Variants in WIPF3 observed in about 807,000 individuals in gnomAD.
The protein encoded by WIPF3 is WAS/WASL-interacting protein family member 3.
Under a neutral mutation model 38.9 loss-of-function variants are expected in WIPF3, and 33 were observed. That is an observed-to-expected ratio of 0.85 (90% CI 0.64 to 1.14). WIPF3 has a LOEUF of 1.14. WIPF3 is among the 50% of genes most tolerant of loss of function. The pLI is 0.00. For synonymous variants in WIPF3, 324 were observed against 269.3 expected, an observed-to-expected ratio of 1.20 and a Z score of -1.99; for missense variants, 711 against 652.5, an observed-to-expected ratio of 1.09 and a Z score of -0.98.
intron 1 of WIPF3, among the ~76,000 whole-genome samples, chr7:29,814,136 G>C (rs1170406945): frequency 6.6e-6 from 1 of 152,136 alleles, no homozygotes; most frequent in Non-Finnish European, 1.5e-5. Flanking sequence ...GGCCAGGCTG[G>C]TCTCGAACTC....
intron 1 of WIPF3, among the ~76,000 whole-genome samples, chr7:29,810,793 C>T (rs887131285): frequency 6.6e-6 from 1 of 152,214 alleles, no homozygotes; most frequent in Non-Finnish European, 1.5e-5. Context: ...TGATCTTGGA[C>T]AAATTACTTA....
intron 2 of WIPF3, among the ~76,000 whole-genome samples, chr7:29,868,602 G>C (rs575378916): frequency 7.3e-5 from 11 of 151,534 alleles, no homozygotes; most frequent in Admixed American, 4.0e-4. Context: ...CATATATACA[G>C]TGATGCATCG....
At chr7:29,875,700 T>C (rs1785577358) in intron 2 of WIPF3, 130 bp from the exon 3 acceptor site, 4 of 1,241,020 alleles carry the variant, frequency 3.2e-6, no homozygotes, top group Non-Finnish European at 4.5e-6. Flanking sequence ...CTCCCATAGG[T>C]AATCTGAGAT....
At chr7:29,810,560 G>A (rs1784356969) in intron 1 of WIPF3, among the ~76,000 whole-genome samples, 1 of 152,206 alleles carries the variant, frequency 6.6e-6, no homozygotes, top group Admixed American at 6.5e-5. Flanking sequence ...TGTTTTATCT[G>A]TTGTTTTAAC....
intron 1 of WIPF3, among the ~76,000 whole-genome samples, chr7:29,813,271 C>T (rs1583587436): frequency 6.6e-6 from 1 of 152,218 alleles, no homozygotes; most frequent in Admixed American, 6.5e-5. Context: ...CCTCTCCCTA[C>T]AATTCAGTTT....
intron 2 of WIPF3, among the ~76,000 whole-genome samples, chr7:29,846,057 T>A (rs1198721308): frequency 1.3e-5 from 2 of 152,238 alleles, no homozygotes; most frequent in East Asian, 3.8e-4. Context: ...ACACCCTCAA[T>A]GCATTTAAAT....
At chr7:29,909,780 A>G (rs1220709269) in intron 8 of WIPF3, among the ~76,000 whole-genome samples, 3 of 152,076 alleles carry the variant, frequency 2.0e-5, no homozygotes, top group Non-Finnish European at 4.4e-5. Flanking sequence ...GCTGTAGTCT[A>G]GCTACTTGGG....
At chr7:29,871,763 AT>A (rs371194861) in intron 2 of WIPF3, among the ~76,000 whole-genome samples, 1 of 151,950 alleles carries the variant, frequency 6.6e-6, no homozygotes, top group Admixed American at 6.6e-5. Flanking sequence ...GCCCCTCCGT[AT>A]TTTTTTTATT....
chr7:29,817,441 ATT>A (rs1784473488), intron 1 of WIPF3, among the ~76,000 whole-genome samples: 1 of 151,864 alleles, frequency 6.6e-6, no homozygotes, highest in African/African-American at 2.4e-5. Flanking sequence ...GATTTTAAAA[ATT>A]CTCTCATATT....
At chr7:29,828,510 A>C (rs1784660619) in intron 1 of WIPF3, among the ~76,000 whole-genome samples, 1 of 152,166 alleles carries the variant, frequency 6.6e-6, no homozygotes, top group Admixed American at 6.5e-5. Flanking sequence ...GGCTTTTAAA[A>C]ATGCTTTTTA....
rs188390727 is a variant in WIPF3, at chr7:29,874,437, A to T, written c.91-1393A>T. On this transcript the variant is annotated intron_variant, in intron 2 of 8. Coordinates refer to ENST00000242140, the MANE Select transcript of WIPF3 (RefSeq NM_001080529.3). ...ACTTATACCCTATGATAAATGTGAC[A>T]GAGGAAAAAGGAATATGGTACCCTC... is the stretch of plus-strand genomic sequence containing the variant. 6.6e-5 allele frequency among the ~76,000 whole-genome samples: 10 copies of T among 152,258 alleles called. No homozygotes were observed. In the East Asian group the frequency reaches 1.9e-3, roughly 29 times the overall value.
chr7:29,815,033 C>G (rs984867440), intron 1 of WIPF3, among the ~76,000 whole-genome samples: 1 of 152,150 alleles, frequency 6.6e-6, no homozygotes, highest in Non-Finnish European at 1.5e-5. Flanking sequence ...TTTAAGTCTC[C>G]GATGTCCCTT....
At chr7:29,876,746 TTTA>T (rs781312389) in intron 3 of WIPF3, among the ~76,000 whole-genome samples, 1 of 152,172 alleles carries the variant, frequency 6.6e-6, no homozygotes, top group Non-Finnish European at 1.5e-5. Flanking sequence ...AGGAGAAAGA[TTTA>T]TTAAGAATTC....
At chr7:29,810,586 C>A (rs1488525344) in intron 1 of WIPF3, among the ~76,000 whole-genome samples, 2 of 152,198 alleles carry the variant, frequency 1.3e-5, no homozygotes, top group African/African-American at 4.8e-5. Flanking sequence ...CTGTCTCATT[C>A]CCTTTTGTTA....
At chr7:29,845,340 G>A (rs1467298637) in intron 2 of WIPF3, among the ~76,000 whole-genome samples, 1 of 152,218 alleles carries the variant, frequency 6.6e-6, no homozygotes, top group Non-Finnish European at 1.5e-5. Flanking sequence ...AGTGACAGCA[G>A]ACTGTGTTCT....
chr7:29,836,760 GGGCA>G (rs1416360024), intron 2 of WIPF3, among the ~76,000 whole-genome samples: 1 of 146,720 alleles, frequency 6.8e-6, no homozygotes, highest in South Asian at 2.2e-4. Flanking sequence ...AGGCCGAGGT[GGGCA>G]GATCACCTGA....
intron 5 of WIPF3, 52 bp from the exon 6 acceptor site, chr7:29,888,016 C>T (rs1785917542): frequency 1.9e-6 from 3 of 1,607,912 alleles, no homozygotes; most frequent in Admixed American, 3.3e-5. Flanking sequence ...AAGGTTATAG[C>T]ATCCACCATT....
rs554664573 is a variant in WIPF3, at chr7:29,904,162, G to A, written c.1352-124G>A. The A allele has an allele frequency of 1.5e-4, 125 of 840,110 alleles. 1 individual carries two copies. The South Asian group carries it at 2.0e-3, about 13-fold the overall frequency. 52.0% of individuals were successfully genotyped at this position (840,110 alleles called of 1,614,324 possible). ...AAGATGGGAGTGGTGGAAACAGACA[G>A]TCTAGGGCCAGGATCCTGAAGGTTT... On this transcript the variant is annotated intron_variant, in intron 7 of 8. Transcript: ENST00000242140.
At chr7:29,914,297 C>T (rs2072175) in intron 8 of WIPF3, among the ~76,000 whole-genome samples, 196 bp from the exon 9 acceptor site, 27,327 of 152,146 alleles carry the variant, frequency 0.18, 2,467 homozygotes, top group Middle Eastern at 0.25. Context: ...CAACTACATA[C>T]CCCATTTCAT....
Sources: allele counts gnomAD v4.1 joint callset (sites outside exome capture counted in the v4.1 genomes callset), GRCh38; gene constraint gnomAD v4.1.1; transcripts MANE v1.5; gene names NCBI Gene and HGNC (gene_info 2026-07-23, HGNC 2026-07-21).